The following SPHKAP variants were observed in gnomAD, a reference collection of about 807,000 sequenced individuals.
The protein encoded by SPHKAP is SPHK1 interactor, AKAP domain containing.
A neutral mutation model predicts 137.5 loss-of-function variants in SPHKAP; 67 were observed. The ratio of observed to expected loss-of-function variants is 0.49; its 90% CI spans 0.40 to 0.60. SPHKAP has a LOEUF of 0.60. SPHKAP is among the 20% of genes least tolerant of loss of function. The pLI, the probability that SPHKAP is intolerant of heterozygous loss-of-function variation, is 0.00. For synonymous variants in SPHKAP, 813 were observed against 785.3 expected (o/e 1.04, Z -0.59); for missense variants, 2,097 against 2,069.3 (o/e 1.01, Z -0.26).
intron 5 of SPHKAP, 48 bp downstream of exon 5, chr2:228,025,346 G>T (rs771909311): frequency 1.5e-5 from 24 of 1,606,542 alleles, no homozygotes; most frequent in Admixed American, 3.4e-5. Flanking sequence ...TCTGTGCTGA[G>T]CTAACTATAG....
chr2:228,016,148 A>G (rs1477965541), intron 7 of SPHKAP, among the ~76,000 whole-genome samples: 1 of 151,978 alleles, frequency 6.6e-6, no homozygotes, highest in Non-Finnish European at 1.5e-5. Flanking sequence ...ATAAATGCAT[A>G]TTAACCTAGG....
At chr2:228,022,256 G>T in intron 5 of SPHKAP, 1 of 908,944 alleles carries the variant, frequency 1.1e-6, no homozygotes, top group South Asian at 5.1e-5. Context: ...AAGTTAAACA[G>T]GCAAAGAAGA....
At chr2:227,993,210 G>C (rs1033295630) in intron 9 of SPHKAP, among the ~76,000 whole-genome samples, 1 of 152,190 alleles carries the variant, frequency 6.6e-6, no homozygotes, top group African/African-American at 2.4e-5. Context: ...AGACTATTGA[G>C]TAGTCCTCTT....
At chr2:228,131,413 G>C (rs890524633) in intron 2 of SPHKAP, 1 of 440,348 alleles carries the variant, frequency 2.3e-6, no homozygotes, top group African/African-American at 2.1e-5. Context: ...TGATTGGCTG[G>C]GAAAATGAGG....
rs1406661750 is a variant in SPHKAP at position 228,018,022 on chromosome 2, A to C, written c.2832T>G (p.Ile944Met). 6.2e-7 allele frequency: 1 copy of C among 1,614,152 alleles called. No homozygotes were observed. Among genetic ancestry groups the C allele is most frequent in the East Asian group, 2.2e-5 (1 of 44,862 alleles). The part of the protein sequence containing the change: ...ADTVVSMATE[I>M]AAICLDNSSG... ...TGGAGTTGTCAAGGCAAATCGCTGC[A>C]ATTTCAGTTGCCATGGAGACGACCG... The change falls in exon 7 of 12, where the codon ATT becomes ATG. Residue 944 changes from isoleucine (I) to methionine (M), a missense_variant. Coordinates refer to ENST00000392056, the MANE Select transcript of SPHKAP (RefSeq NM_001142644.2).
chr2:228,019,811 A>G lies in SPHKAP; in HGVS notation c.1043T>C (p.Met348Thr), dbSNP rs756688283. ...LYIPKDAYFS[M>T]MDKDVPSACA... ...TGCAGAAGGTACATCTTTATCCATC[A>G]TGGAGAAATAAGCATCTTTTGGAAT... The change falls in exon 7 of 12, where the codon ATG (methionine) becomes ACG (threonine). Residue 348 changes from methionine to threonine, a missense_variant. Met to Thr is a moderately conservative substitution (Grantham distance 81, BLOSUM62 -1). Transcript: ENST00000392056. The G allele has an allele frequency of 7.4e-6, 12 of 1,613,996 alleles. No individual in the cohort carries two copies. Among genetic ancestry groups the G allele is most frequent in the Non-Finnish European group, 6.8e-6 (8 of 1,180,026 alleles).
chr2:228,010,421 A>G (rs1198482831), intron 7 of SPHKAP, among the ~76,000 whole-genome samples: 1 of 152,124 alleles, frequency 6.6e-6, no homozygotes, highest in Non-Finnish European at 1.5e-5. Context: ...AGTCCCAGCT[A>G]CTCGGGAGGC....
At chr2:228,014,104 G>A (rs1037046952) in intron 7 of SPHKAP, among the ~76,000 whole-genome samples, 1 of 152,090 alleles carries the variant, frequency 6.6e-6, no homozygotes, top group African/African-American at 2.4e-5. Context: ...ATTCATAATT[G>A]TATTATGAAT....
chr2:228,107,368 A>C (rs1387730156), intron 3 of SPHKAP, among the ~76,000 whole-genome samples: 1 of 152,152 alleles, frequency 6.6e-6, no homozygotes, highest in Admixed American at 6.5e-5. Flanking sequence ...GAGCAAATGA[A>C]TCTTCCAATA....
intron 3 of SPHKAP, among the ~76,000 whole-genome samples, chr2:228,075,302 A>T (rs1364716642): frequency 3.9e-5 from 6 of 152,206 alleles, no homozygotes; most frequent in Admixed American, 3.9e-4. Flanking sequence ...GTAACACCTT[A>T]GTTAGGCTCA....
intron 1 of SPHKAP, among the ~76,000 whole-genome samples, chr2:228,180,426 A>G (rs1196050533): frequency 6.6e-6 from 1 of 151,658 alleles, no homozygotes; most frequent in Admixed American, 6.6e-5. Flanking sequence ...GCAATGTAGT[A>G]TCACTCCATG....
intron 7 of SPHKAP, among the ~76,000 whole-genome samples, chr2:228,014,669 G>A (rs1010498245): frequency 2.6e-5 from 4 of 152,114 alleles, no homozygotes; most frequent in African/African-American, 9.7e-5. Flanking sequence ...CACCAGTAAT[G>A]ATGTCCTCTA....
chr2:227,982,996 A>C (rs1693056593), intron 11 of SPHKAP, among the ~76,000 whole-genome samples: 1 of 152,188 alleles, frequency 6.6e-6, no homozygotes. Flanking sequence ...TGGGAGAAAA[A>C]ATAGGCTGGA....
intron 2 of SPHKAP, chr2:228,109,168 C>G (rs1698438822): frequency 5.6e-6 from 1 of 177,940 alleles, no homozygotes; most frequent in South Asian, 1.9e-4. Flanking sequence ...CACAGATGTT[C>G]TCTCATCAAA....
At chr2:228,173,236 A>G (rs192634089) in intron 1 of SPHKAP, among the ~76,000 whole-genome samples, 2 of 152,344 alleles carry the variant, frequency 1.3e-5, no homozygotes, top group Admixed American at 6.5e-5. Flanking sequence ...TAGTCCTAGT[A>G]GAATTTCATG....
intron 3 of SPHKAP, among the ~76,000 whole-genome samples, chr2:228,079,961 C>T (rs1697307713): frequency 6.6e-6 from 1 of 152,162 alleles, no homozygotes; most frequent in Non-Finnish European, 1.5e-5. Flanking sequence ...CCTTATCTCA[C>T]ACCATAGACA....
intron 5 of SPHKAP, among the ~76,000 whole-genome samples, chr2:228,024,262 A>T (rs1239993963): frequency 6.6e-6 from 1 of 152,080 alleles, no homozygotes; most frequent in East Asian, 1.9e-4. Flanking sequence ...TTTCATAGAG[A>T]TATTGAAAGA....
chr2:228,157,970 A>G (rs188736445), intron 1 of SPHKAP, among the ~76,000 whole-genome samples: 1 of 152,238 alleles, frequency 6.6e-6, no homozygotes. Flanking sequence ...TGTAGAATGC[A>G]TGAGACCAAT....
intron 3 of SPHKAP, among the ~76,000 whole-genome samples, chr2:228,037,990 A>T (rs969120196): frequency 5.9e-5 from 9 of 152,310 alleles, no homozygotes; most frequent in Admixed American, 5.9e-4. Context: ...AGAATACAGG[A>T]CCAGCCTCTG....
Sources: gnomAD v4.1 joint callset for allele counts (sites outside exome capture counted in the v4.1 genomes callset) on GRCh38, gnomAD v4.1.1 for gene constraint, MANE v1.5 for transcripts, NCBI Gene and HGNC (gene_info 2026-07-23, HGNC 2026-07-21) for gene names.